ARSB: variants seen among roughly 807,000 people sequenced by gnomAD.
ARSB encodes arylsulfatase B, also known as N-acetylgalactosamine-4-sulfatase.
In ARSB, 41 loss-of-function variants were observed where a neutral mutation model predicts 50.9. The observed-to-expected ratio is 0.81, with a 90% confidence interval of 0.63 to 1.04. The LOEUF is 1.04. Among genes scored for constraint, ARSB ranks in the 50% least tolerant of loss-of-function variants. The probability of loss-of-function intolerance (pLI) is 0.00; values close to 1 mark genes in which losing one functional copy is unlikely to be tolerated. For missense variants in ARSB, 672 were observed against 693.3 expected (o/e 0.97, Z 0.35); for synonymous variants, 269 against 284.8 (o/e 0.94, Z 0.56).
chr5:78,918,404 A>G (rs1749654295), intron 4 of ARSB, among the ~76,000 whole-genome samples: 1 of 152,232 alleles, frequency 6.6e-6, no homozygotes, highest in African/African-American at 2.4e-5. Flanking sequence ...TACACTGAAA[A>G]AAATAAATTC....
intron 3 of ARSB, among the ~76,000 whole-genome samples, chr5:78,961,464 C>A (rs1458328546): frequency 6.6e-6 from 1 of 152,104 alleles, no homozygotes; most frequent in Non-Finnish European, 1.5e-5. Flanking sequence ...TGGCAATTTC[C>A]AAACAGTTAC....
At chr5:78,839,938 C>G (rs982349259) in intron 5 of ARSB, among the ~76,000 whole-genome samples, 1 of 152,114 alleles carries the variant, frequency 6.6e-6, no homozygotes, top group African/African-American at 2.4e-5. Context: ...ATGAGAAATA[C>G]CTAGATCTCT....
intron 5 of ARSB, among the ~76,000 whole-genome samples, chr5:78,867,576 A>C (rs980612419): frequency 2.0e-5 from 3 of 152,034 alleles, no homozygotes; most frequent in African/African-American, 4.8e-5. Flanking sequence ...CTCACACGGC[A>C]GGGTATTCCA....
intron 6 of ARSB, among the ~76,000 whole-genome samples, chr5:78,801,218 T>C (rs1743382393): frequency 6.6e-6 from 1 of 152,092 alleles, no homozygotes; most frequent in Admixed American, 6.5e-5. Flanking sequence ...GACCTGATAG[T>C]ACAAAAAAGT....
At chr5:78,901,052 A>AAC (rs1431034847) in intron 4 of ARSB, among the ~76,000 whole-genome samples, 1 of 151,006 alleles carries the variant, frequency 6.6e-6, no homozygotes, top group East Asian at 1.9e-4. Flanking sequence ...CTCAGGAAAA[A>AAC]AAAAAAAAAA....
At chr5:78,816,007 A>G (rs775744241) in intron 6 of ARSB, 4 of 1,554,172 alleles carry the variant, frequency 2.6e-6, no homozygotes, top group Non-Finnish European at 2.6e-6. Context: ...CGAGGCCTTG[A>G]GGGGCCCTTT....
At chr5:78,904,064 T>C (rs1748922235) in intron 4 of ARSB, among the ~76,000 whole-genome samples, 1 of 152,196 alleles carries the variant, frequency 6.6e-6, no homozygotes, top group South Asian at 2.1e-4. Context: ...GGTTTTGCTT[T>C]TTCCAGAATG....
At chr5:78,906,250 T>C (rs146599560) in intron 4 of ARSB, among the ~76,000 whole-genome samples, 81 of 152,198 alleles carry the variant, frequency 5.3e-4, no homozygotes, top group African/African-American at 2.0e-3. Context: ...GGAGGATCAC[T>C]TGAGCCCAGG....
intron 4 of ARSB, among the ~76,000 whole-genome samples, chr5:78,904,673 TTTTC>T (rs1421244864): frequency 6.2e-5 from 9 of 145,336 alleles, no homozygotes; most frequent in South Asian, 2.1e-4. Flanking sequence ...ATTTTCTTTC[TTTTC>T]TTTCTTTCTT....
At chr5:78,938,308 A>T (rs993839638) in intron 4 of ARSB, among the ~76,000 whole-genome samples, 1 of 152,246 alleles carries the variant, frequency 6.6e-6, no homozygotes, top group African/African-American at 2.4e-5. Context: ...TACTAATAAA[A>T]TTTTAAAGTG....
intron 6 of ARSB, among the ~76,000 whole-genome samples, chr5:78,794,616 G>C (rs1442663765): frequency 6.6e-6 from 1 of 152,144 alleles, no homozygotes; most frequent in African/African-American, 2.4e-5. Flanking sequence ...TAGGAAGGAG[G>C]AGGAGGGAGA....
At chr5:78,940,686 A>T (rs1431292407) in intron 4 of ARSB, among the ~76,000 whole-genome samples, 1 of 152,186 alleles carries the variant, frequency 6.6e-6, no homozygotes, top group Non-Finnish European at 1.5e-5. Flanking sequence ...CAGTCACTGT[A>T]GCCTTGTAGC....
intron 5 of ARSB, among the ~76,000 whole-genome samples, chr5:78,866,104 G>A (rs1293523741): frequency 6.6e-6 from 1 of 152,068 alleles, no homozygotes; most frequent in Non-Finnish European, 1.5e-5. Flanking sequence ...CCACTCTACT[G>A]GGCCAATTTA....
intron 6 of ARSB, among the ~76,000 whole-genome samples, chr5:78,830,073 T>C (rs1044476440): frequency 5.3e-5 from 8 of 152,248 alleles, no homozygotes; most frequent in African/African-American, 1.9e-4. Flanking sequence ...TGCTTTTGTG[T>C]TGAAATTCAA....
rs1323312212 is a variant in ARSB at position 78,780,408 on chromosome 5, G to A, written c.1591C>T (p.Pro531Ser). ...GCCTCCCTGAAATCCTACATCCAAGGGCCCCACACCCCAGTGGCCTTGGGA... is the reference window on the plus strand; with the variant it reads ...GCCTCCCTGAAATCCTACATCCAAGAGCCCCACACCCCAGTGGCCTTGGGA... Reference protein sequence around the residue: ...CDPKATGVWGPWM With the variant: ...CDPKATGVWGSWM Residue 531 changes from proline to serine, a missense_variant, in exon 8 of 8, where the codon CCT becomes TCT. Transcript: ENST00000264914. 1.2e-6 allele frequency: 2 copies of A among 1,614,050 alleles called. No homozygotes were observed. Among genetic ancestry groups the A allele is most frequent in the Non-Finnish European group, 1.7e-6 (2 of 1,180,008 alleles).
At chr5:78,956,728 A>G (rs1166065939) in intron 3 of ARSB, among the ~76,000 whole-genome samples, 5 of 152,270 alleles carry the variant, frequency 3.3e-5, no homozygotes, top group East Asian at 1.9e-4. Flanking sequence ...AAACCACCCT[A>G]TGTTACAGCA....
intron 4 of ARSB, among the ~76,000 whole-genome samples, chr5:78,942,427 C>T (rs1160976425): frequency 5.9e-5 from 9 of 152,148 alleles, no homozygotes; most frequent in African/African-American, 1.4e-4. Context: ...TTTAGTGCTA[C>T]AAATTTCCCT....
chr5:78,861,491 A>C (rs1250481639), intron 5 of ARSB, among the ~76,000 whole-genome samples: 2 of 152,234 alleles, frequency 1.3e-5, no homozygotes, highest in Non-Finnish European at 2.9e-5. Context: ...CCATCATATA[A>C]ACAGAACCAA....
intron 4 of ARSB, among the ~76,000 whole-genome samples, chr5:78,927,938 A>G (rs1750127259): frequency 6.6e-6 from 1 of 152,224 alleles, no homozygotes; most frequent in South Asian, 2.1e-4. Context: ...AATGCCTCTG[A>G]AGACTCTTAA....
Sources: gnomAD v4.1 joint callset for allele counts (sites outside exome capture counted in the v4.1 genomes callset) on GRCh38, gnomAD v4.1.1 for gene constraint, MANE v1.5 for transcripts, NCBI Gene and HGNC (gene_info 2026-07-23, HGNC 2026-07-21) for gene names.